Variants in MALRD1 observed in about 807,000 individuals in gnomAD.
The protein encoded by MALRD1 is MAM and LDL-receptor class A domain-containing protein 1.
In MALRD1, 247 loss-of-function variants were observed where a neutral mutation model predicts 242.1. The observed-to-expected ratio is 1.02, with a 90% confidence interval of 0.92 to 1.13. The LOEUF is 1.13. Among genes scored for constraint, MALRD1 ranks in the 50% most tolerant of loss-of-function variants. The pLI, the probability that MALRD1 is intolerant of heterozygous loss-of-function variation, is 0.00. For synonymous variants in MALRD1, 995 were observed against 866.6 expected, an observed-to-expected ratio of 1.15 and a Z score of -2.60; for missense variants, 2,989 against 2,533.1, an observed-to-expected ratio of 1.18 and a Z score of -3.86.
At chr10:19,410,636 CCCTCCCCT>C (rs1249680312) in intron 28 of MALRD1, among the ~76,000 whole-genome samples, 1 of 147,680 alleles carries the variant, frequency 6.8e-6, no homozygotes, top group Admixed American at 6.7e-5. Flanking sequence ...CTTCCTCCCT[CCCTCCCCT>C]CCTCCCCTCC....
chr10:19,606,746 G>A (rs747919719), intron 34 of MALRD1, among the ~76,000 whole-genome samples: 44 of 152,158 alleles, frequency 2.9e-4, no homozygotes, highest in Middle Eastern at 3.4e-3. Context: ...TGCAACCCCG[G>A]CTTCTTGGCT....
intron 17 of MALRD1, among the ~76,000 whole-genome samples, chr10:19,206,100 AATTT>A (rs1216696976): frequency 2.0e-5 from 3 of 150,864 alleles, no homozygotes; most frequent in South Asian, 2.1e-4. Flanking sequence ...CAATTTATTA[AATTT>A]ATTTAATAAG....
At chr10:19,136,865 G>C (rs1833361118) in intron 10 of MALRD1, 84 bp downstream of exon 10, 6 of 946,630 alleles carry the variant, frequency 6.3e-6, no homozygotes, top group Middle Eastern at 3.7e-4. Context: ...TTTCTATCAA[G>C]GCAAAGGTAA....
intron 28 of MALRD1, among the ~76,000 whole-genome samples, chr10:19,404,335 C>A (rs749802218): frequency 6.6e-6 from 1 of 151,800 alleles, no homozygotes; most frequent in Non-Finnish European, 1.5e-5. Flanking sequence ...CAGATATCTC[C>A]GTACTTAAAA....
At chr10:19,293,264 C>A (rs1841534120) in intron 21 of MALRD1, among the ~76,000 whole-genome samples, 1 of 147,468 alleles carries the variant, frequency 6.8e-6, no homozygotes, top group African/African-American at 2.5e-5. Context: ...TTTAAATCAA[C>A]TGTAGTTATA....
chr10:19,287,111 G>A (rs1209281221), intron 21 of MALRD1, among the ~76,000 whole-genome samples: 1 of 152,052 alleles, frequency 6.6e-6, no homozygotes, highest in Non-Finnish European at 1.5e-5. Flanking sequence ...CACAGTGACT[G>A]CATGCATCTA....
intron 26 of MALRD1, among the ~76,000 whole-genome samples, chr10:19,367,980 A>G (rs1296306851): frequency 6.6e-6 from 1 of 151,952 alleles, no homozygotes. Context: ...CTGTTGAGAT[A>G]TATGTTTTCC....
chr10:19,621,351 T>TA (rs56041015), intron 36 of MALRD1, among the ~76,000 whole-genome samples: 5,759 of 121,822 alleles, frequency 0.047, 222 homozygotes, highest in East Asian at 0.12. Flanking sequence ...TAAAAATATG[T>TA]AAAAAAAAAA....
intron 18 of MALRD1, 76 bp downstream of exon 18, chr10:19,209,756 C>T: frequency 7.4e-7 from 1 of 1,351,492 alleles, no homozygotes; most frequent in Non-Finnish European, 9.9e-7. Context: ...TCGCTGTATT[C>T]TCTAATTAAA....
At chr10:19,388,231 C>G (rs1052677686) in intron 27 of MALRD1, among the ~76,000 whole-genome samples, 5 of 152,126 alleles carry the variant, frequency 3.3e-5, no homozygotes, top group East Asian at 1.9e-4. Flanking sequence ...TCCTAACAGC[C>G]TCATTTTAAC....
At position 19,238,652 on chromosome 10, in the gene MALRD1, G is replaced by A. The variant is rs193282861; in HGVS notation, c.2992-19032G>A. ...ATTCCATATCTGATTATTAGAAATA[G>A]TGCTACAGTAAACATAAGAGTGCAG... On this transcript the variant is annotated intron_variant, in intron 18 of 39. Transcript: ENST00000454679. 5.5e-4 allele frequency among the ~76,000 whole-genome samples: 65 copies of A among 117,476 alleles called. 1 individual carries two copies. The South Asian group carries it at 0.013, about 23-fold the overall frequency. The allele number at this position is 117,476 out of a possible 152,430, so 77.1% of individuals were successfully genotyped here. A position where few individuals can be genotyped will look rare whatever the true frequency, so the allele number is the denominator to read the frequency against.
intron 2 of MALRD1, among the ~76,000 whole-genome samples, chr10:19,075,959 G>A (rs918790551): frequency 2.6e-5 from 4 of 151,926 alleles, no homozygotes; most frequent in African/African-American, 7.3e-5. Flanking sequence ...TAAAATCTCC[G>A]TTTTACTAGG....
intron 36 of MALRD1, among the ~76,000 whole-genome samples, chr10:19,637,092 A>G (rs898515782): frequency 1.3e-5 from 2 of 152,182 alleles, no homozygotes; most frequent in African/African-American, 4.8e-5. Context: ...AAGTCATCCT[A>G]TTAAATGGCC....
intron 26 of MALRD1, among the ~76,000 whole-genome samples, chr10:19,382,982 T>A (rs1349352965): frequency 6.6e-6 from 1 of 152,140 alleles, no homozygotes; most frequent in Non-Finnish European, 1.5e-5. Context: ...ATTATTAATA[T>A]CAGAAATGAA....
At chr10:19,222,024 T>A (rs1162792562) in intron 18 of MALRD1, among the ~76,000 whole-genome samples, 1 of 152,158 alleles carries the variant, frequency 6.6e-6, no homozygotes, top group Non-Finnish European at 1.5e-5. Flanking sequence ...TCAGTTTGTC[T>A]CTGAATCCTT....
intron 28 of MALRD1, among the ~76,000 whole-genome samples, chr10:19,416,902 A>C (rs951536871): frequency 5.3e-5 from 8 of 151,978 alleles, no homozygotes; most frequent in African/African-American, 1.9e-4. Flanking sequence ...AATCCCTAAA[A>C]CTCCGTAGAA....
In MALRD1 at chr10:19,541,345, A is replaced by C. The variant is rs566174904; in HGVS notation, c.5478+9994A>C. 3.9e-5 allele frequency among the ~76,000 whole-genome samples: 6 copies of C among 152,248 alleles called. No individual in the cohort carries two copies. The South Asian group carries it at 1.0e-3, about 26-fold the overall frequency. On this transcript the variant is annotated intron_variant, in intron 32 of 39. Coordinates refer to ENST00000454679, the MANE Select transcript of MALRD1 (RefSeq NM_001142308.3). Reference sequence around the variant, plus strand: ...TAAAACGTAGGGAGATGTGTGTAGAAGTTTTTAAGCATATTTAACAAATTT... The same window carrying C: ...TAAAACGTAGGGAGATGTGTGTAGACGTTTTTAAGCATATTTAACAAATTT...
intron 28 of MALRD1, among the ~76,000 whole-genome samples, chr10:19,411,649 G>T (rs751675954): frequency 2.0e-5 from 3 of 152,070 alleles, no homozygotes; most frequent in Non-Finnish European, 4.4e-5. Flanking sequence ...GGATCCGAGC[G>T]CTTAACTATC....
chr10:19,304,196 A>G (rs2131965582), intron 21 of MALRD1, among the ~76,000 whole-genome samples: 1 of 151,864 alleles, frequency 6.6e-6, no homozygotes, highest in East Asian at 1.9e-4. Context: ...GCAGCCACTC[A>G]GATTCCCTGG....
Sources: gnomAD v4.1 joint callset for allele counts (sites outside exome capture counted in the v4.1 genomes callset) on GRCh38, gnomAD v4.1.1 for gene constraint, MANE v1.5 for transcripts, NCBI Gene and HGNC (gene_info 2026-07-23, HGNC 2026-07-21) for gene names.